The following SLC38A8 variants were observed in gnomAD, a reference collection of about 807,000 sequenced individuals.
SLC38A8 encodes amino acid transporter SLC38A8.
Under a neutral mutation model 46.0 loss-of-function variants are expected in SLC38A8, and 65 were observed. The observed-to-expected ratio is 1.41, with a 90% confidence interval of 1.16 to 1.74. The LOEUF (loss-of-function observed/expected upper bound fraction) is 1.74, where lower values mean the gene tolerates loss of function less well. SLC38A8 is among the 40% of genes most tolerant of loss of function. The probability of loss-of-function intolerance (pLI) is 0.00; values close to 1 mark genes in which losing one functional copy is unlikely to be tolerated. For synonymous variants in SLC38A8, 447 were observed against 243.7 expected, an observed-to-expected ratio of 1.83 and a Z score of -7.77; for missense variants, 998 against 567.9, an observed-to-expected ratio of 1.76 and a Z score of -7.70.
Position 84,022,896 on chromosome 16 carries a change from G to C in SLC38A8, c.691-7C>G, listed in dbSNP as rs1300900759. On this transcript the variant is annotated splice_region_variant and splice_polypyrimidine_tract_variant and intron_variant, in intron 6 of 10. Coordinates refer to ENST00000299709, the MANE Select transcript of SLC38A8 (RefSeq NM_001080442.3). ...AGACGGCAGCTTCGTGACACTGTAA[G>C]ACAGAGGGCGGCTCAGCAGGATGCT... 8 of 1,578,904 alleles carry C rather than the reference G, an allele frequency of 5.1e-6. No individual in the cohort carries two copies. The highest frequency in any genetic ancestry group is 1.9e-5 in the Admixed American group (1 of 53,126).
chr16:84,026,378 C>T (rs1184292837), intron 6 of SLC38A8, among the ~76,000 whole-genome samples: 2 of 152,208 alleles, frequency 1.3e-5, no homozygotes, highest in South Asian at 2.1e-4. Context: ...AGGCCCGCAC[C>T]GCCATGCCCG....
At position 84,022,872 on chromosome 16, in the gene SLC38A8, G is replaced by A. The variant is rs1339169549; in HGVS notation, c.708C>T (p.Val236=). Residue 236 remains valine, a synonymous_variant, in exon 7 of 11, where the codon GTC becomes GTT. Transcript: ENST00000299709. ...CFGFQCHEAA[V]SIYCSMRKRS... ...GTTTGCGCATGCTGCAGTAGATGGAGACGGCAGCTTCGTGACACTGTAAGA... is the reference window on the plus strand; with the variant it reads ...GTTTGCGCATGCTGCAGTAGATGGAAACGGCAGCTTCGTGACACTGTAAGA... 2 of 1,606,850 alleles carry A rather than the reference G, an allele frequency of 1.2e-6. No homozygotes were observed. The highest frequency in any genetic ancestry group is 1.7e-5 in the Admixed American group (1 of 58,318).
Position 84,034,902 on chromosome 16 carries a change from C to A in SLC38A8, c.389-1433G>T, listed in dbSNP as rs112586316. Among the ~76,000 whole-genome samples, 95 of 152,232 alleles carry A rather than the reference C, an allele frequency of 6.2e-4. 1 individual carries two copies. Among genetic ancestry groups the A allele is most frequent in the Middle Eastern group, 3.4e-3 (1 of 294 alleles). On this transcript the variant is annotated intron_variant, in intron 3 of 10. Transcript: ENST00000299709. ...TGTACCAGCTCCTTCCTAAACCCAG[C>A]GTTCCCGGATGCTTGAGATCTTTGG...
chr16:84,012,255 T>C (rs139996778), intron 10 of SLC38A8, among the ~76,000 whole-genome samples: 1 of 152,340 alleles, frequency 6.6e-6, no homozygotes, highest in East Asian at 1.9e-4. Context: ...CAGGGGCGGC[T>C]GAGGAAGCGC....
At chr16:84,024,221 G>A (rs75989424) in intron 6 of SLC38A8, among the ~76,000 whole-genome samples, 2 of 152,204 alleles carry the variant, frequency 1.3e-5, no homozygotes, top group African/African-American at 4.8e-5. Context: ...ATGGTGGTTT[G>A]GGTAGGGTGG....
intron 9 of SLC38A8, among the ~76,000 whole-genome samples, chr16:84,014,955 A>G (rs1056260593): frequency 3.3e-5 from 5 of 152,112 alleles, no homozygotes; most frequent in Non-Finnish European, 5.9e-5. Context: ...TCATGCCCCC[A>G]TTCGAGTTTT....
At chr16:84,035,266 C>T (rs1324290941) in intron 3 of SLC38A8, among the ~76,000 whole-genome samples, 2 of 152,124 alleles carry the variant, frequency 1.3e-5, no homozygotes, top group African/African-American at 4.8e-5. Flanking sequence ...TGCCCACTTA[C>T]CCATTAAGAG....
intron 6 of SLC38A8, among the ~76,000 whole-genome samples, chr16:84,025,096 T>C (rs2085146145): frequency 6.6e-6 from 1 of 152,178 alleles, no homozygotes; most frequent in Admixed American, 6.5e-5. Context: ...GCCAAGAGAA[T>C]ACTGATGTAC....
At chr16:84,029,591 C>T in intron 5 of SLC38A8, 40 bp from the exon 6 acceptor site, 1 of 1,604,830 alleles carries the variant, frequency 6.2e-7, no homozygotes, top group Non-Finnish European at 8.5e-7. Context: ...AAAGAAGGGT[C>T]ACACCCGGAA....
intron 7 of SLC38A8, among the ~76,000 whole-genome samples, chr16:84,020,655 G>A (rs558026229): frequency 5.9e-5 from 9 of 152,214 alleles, no homozygotes; most frequent in South Asian, 2.1e-4. Context: ...GAGCAGAGAC[G>A]TGAGGGCACG....
At chr16:84,040,376 C>T (rs2085354134) in intron 2 of SLC38A8, among the ~76,000 whole-genome samples, 1 of 152,184 alleles carries the variant, frequency 6.6e-6, no homozygotes, top group Admixed American at 6.5e-5. Flanking sequence ...TCATCCTAAG[C>T]AAAACAAAAC....
intron 10 of SLC38A8, among the ~76,000 whole-genome samples, chr16:84,012,658 C>T (rs994602759): frequency 6.6e-6 from 1 of 152,220 alleles, no homozygotes; most frequent in Non-Finnish European, 1.5e-5. Context: ...CCTTTCTAAC[C>T]CAGCCTGCAC....
chr16:84,013,562 C>A (rs58383994), intron 9 of SLC38A8, among the ~76,000 whole-genome samples: 16,803 of 151,098 alleles, frequency 0.11, 989 homozygotes, highest in Middle Eastern at 0.18. Context: ...TCCCGAGTAG[C>A]TGGGACTACA....
At chr16:84,026,046 G>A (rs1489621792) in intron 6 of SLC38A8, among the ~76,000 whole-genome samples, 2 of 152,256 alleles carry the variant, frequency 1.3e-5, no homozygotes, top group Admixed American at 6.5e-5. Flanking sequence ...CCCCATGGCA[G>A]GCTCTGCCTT....
chr16:84,024,386 C>T (rs2085135842), intron 6 of SLC38A8, among the ~76,000 whole-genome samples: 1 of 152,140 alleles, frequency 6.6e-6, no homozygotes, highest in Non-Finnish European at 1.5e-5. Context: ...ACTACATTGC[C>T]CAGGCTGGTC....
chr16:84,040,355 G>A (rs1313374612), intron 2 of SLC38A8, among the ~76,000 whole-genome samples: 8 of 152,198 alleles, frequency 5.3e-5, no homozygotes, highest in Non-Finnish European at 1.2e-4. Flanking sequence ...CTGAGTGAAG[G>A]GATCTGGAGC....
Position 84,017,251 on chromosome 16 carries a change from G to GA in SLC38A8, c.841dup (p.Ser281PhefsTer3), listed in dbSNP as rs1567692055. The GA allele has an allele frequency of 1.2e-6, 2 of 1,614,000 alleles. No homozygotes were observed. The highest frequency in any genetic ancestry group is 2.7e-5 in the African/African-American group (2 of 74,916). ...TGGGTAGGACATCAAGACGTCAGCA[G>GA]AAACTTCTGTCCCAAAAGTCAGGAA... On this transcript the variant is annotated frameshift_variant, in exon 8 of 11. Transcript: ENST00000299709. LOFTEE classifies it high-confidence loss of function.
chr16:84,016,528 T>G lies in SLC38A8; in HGVS notation c.1153A>C (p.Ile385Leu). The G allele has an allele frequency of 6.2e-7, 1 of 1,613,660 alleles. No homozygotes were observed. The highest frequency in any genetic ancestry group is 8.5e-7 in the Non-Finnish European group (1 of 1,179,760). The change falls in exon 9 of 11, where the codon ATC becomes CTC. Residue 385 changes from isoleucine (I) to leucine (L), a missense_variant. Ile to Leu is a conservative substitution (Grantham distance 5). Coordinates refer to ENST00000299709, the MANE Select transcript of SLC38A8 (RefSeq NM_001080442.3). ...AAAGCAGGGGCCTCACCTGGGAAGA[T>G]GAAGATGAAGAAGGAACTGATGCCT... is the stretch of plus-strand genomic sequence containing the variant. ...IGGISSFFIF[I>L]FPGLCLICAM... is the part of the protein sequence containing the mutation.
intron 3 of SLC38A8, 55 bp from the exon 4 acceptor site, chr16:84,033,524 G>C (rs1377218874): frequency 1.3e-6 from 2 of 1,517,968 alleles, no homozygotes; most frequent in Non-Finnish European, 8.8e-7. Context: ...GTGGGTTCTC[G>C]GCTCCCACCT....
Sources: allele counts gnomAD v4.1 joint callset (sites outside exome capture counted in the v4.1 genomes callset), GRCh38; gene constraint gnomAD v4.1.1; transcripts MANE v1.5; gene names NCBI Gene and HGNC (gene_info 2026-07-23, HGNC 2026-07-21).